Variants in POTEI observed in about 807,000 individuals in gnomAD.
POTEI encodes the protein POTE ankyrin domain family member I, also known as POTE ankyrin domain family, member I.
A neutral mutation model predicts 43.4 loss-of-function variants in POTEI; 14 were observed. The ratio of observed to expected loss-of-function variants is 0.32; its 90% CI spans 0.21 to 0.50. POTEI has a LOEUF of 0.50. Ranked by LOEUF, POTEI falls within the 20% of genes least tolerant of loss-of-function variation. POTEI has a pLI of 0.98. For missense variants in POTEI, 235 were observed against 795.4 expected, an observed-to-expected ratio of 0.30 and a Z score of 8.47; for synonymous variants, 95 against 297.9, an observed-to-expected ratio of 0.32 and a Z score of 7.01.
intron 13 of POTEI, among the ~76,000 whole-genome samples, chr2:130,468,903 A>G (rs1304472190): frequency 3.6e-3 from 552 of 152,148 alleles, no homozygotes; most frequent in African/African-American, 0.012. Flanking sequence ...TGAGATAAAA[A>G]TGTATAACAA....
At position 130,477,692 on chromosome 2, in the gene POTEI, C is replaced by A. The variant is rs1289470621; in HGVS notation, c.1481-991G>T. Among the ~76,000 whole-genome samples the A allele has an allele frequency of 8.3e-5, 11 of 133,150 alleles. No homozygotes were observed. In the Admixed American group the frequency reaches 8.4e-4, roughly 10 times the overall value. 87.4% of individuals were successfully genotyped at this position (133,150 alleles called of 152,430 possible). ...TTTACTCAGAAATATTTTATTGAGTCCTGCTAAATACATGCTAGGCATTAG... is the reference window on the plus strand; with the variant it reads ...TTTACTCAGAAATATTTTATTGAGTACTGCTAAATACATGCTAGGCATTAG... On this transcript the variant is annotated intron_variant, in intron 10 of 14. Transcript: ENST00000451531.
intron 1 of POTEI, 134 bp downstream of exon 1, chr2:130,508,581 T>C: frequency 1.9e-6 from 1 of 536,048 alleles, no homozygotes; most frequent in Non-Finnish European, 2.8e-6. Context: ...CCCTGACCTC[T>C]CTGAGGTTTC....
At chr2:130,474,029 TTTTG>T (rs1450654525) in intron 13 of POTEI, among the ~76,000 whole-genome samples, 1 of 145,122 alleles carries the variant, frequency 6.9e-6, no homozygotes, top group Non-Finnish European at 1.5e-5. Flanking sequence ...CTTTCGAGTA[TTTTG>T]TTTATTATGT....
intron 1 of POTEI, among the ~76,000 whole-genome samples, chr2:130,507,325 C>CACACATATATATGTATAT (rs1255169844): frequency 1.1e-4 from 1 of 8,926 alleles, no homozygotes; most frequent in African/African-American, 1.7e-4. Flanking sequence ...TATACACACA[C>CACACATATATATGTATAT]ACACACACAC....
At chr2:130,492,785 G>T (rs1683789792) in intron 6 of POTEI, among the ~76,000 whole-genome samples, 1 of 116,222 alleles carries the variant, frequency 8.6e-6, no homozygotes, top group Non-Finnish European at 1.8e-5. Context: ...GGTTTGGGAA[G>T]GTGATTTCTA....
At chr2:130,491,713 C>A (rs1247800087) in intron 6 of POTEI, among the ~76,000 whole-genome samples, 3 of 96,596 alleles carry the variant, frequency 3.1e-5, no homozygotes, top group Admixed American at 1.3e-4. Context: ...AGTGCAGTGG[C>A]GCAATCTCAG....
intron 1 of POTEI, among the ~76,000 whole-genome samples, chr2:130,507,393 T>C (rs1684214794): frequency 6.2e-5 from 1 of 16,130 alleles, no homozygotes; most frequent in East Asian, 1.5e-3. Context: ...TATGTATATA[T>C]ATGTATATAT....
chr2:130,468,656 A>T (rs1258642194), intron 13 of POTEI, among the ~76,000 whole-genome samples: 3 of 151,128 alleles, frequency 2.0e-5, no homozygotes, highest in Non-Finnish European at 4.4e-5. Context: ...ACACCTGGTA[A>T]TTACAATTTG....
chr2:130,461,581 G>C lies in POTEI; in HGVS notation c.*1235C>G, dbSNP rs1682638161. On this transcript the variant is annotated 3_prime_UTR_variant, in exon 15 of 15. Transcript: ENST00000451531. ...TAGTCACCGAAAGAGCAAAGGTGGG[G>C]GCCTGCCCCTCTCCGGGAGCTCTGT... 1 of 152,122 alleles carries C rather than the reference G, an allele frequency of 6.6e-6. No individual in the cohort carries two copies. Among genetic ancestry groups the C allele is most frequent in the Non-Finnish European group, 1.5e-5 (1 of 68,050 alleles). The allele number at this position is 152,122 out of a possible 1,614,324, so 9.4% of individuals were successfully genotyped here. A position where few individuals can be genotyped will look rare whatever the true frequency, so the allele number is the denominator to read the frequency against.
At chr2:130,505,138 G>A (rs1158711329) in intron 1 of POTEI, among the ~76,000 whole-genome samples, 2 of 149,410 alleles carry the variant, frequency 1.3e-5, no homozygotes, top group Admixed American at 1.3e-4. Context: ...TCATCATTTA[G>A]CTCCCACCTG....
intron 10 of POTEI, among the ~76,000 whole-genome samples, chr2:130,480,387 C>A (rs1393107907): frequency 2.7e-5 from 4 of 150,806 alleles, no homozygotes; most frequent in Non-Finnish European, 5.9e-5. Context: ...GTATCTCACA[C>A]TTTTGGTAAT....
Position 130,461,082 on chromosome 2 carries a change from G to T in POTEI, c.*1734C>A, listed in dbSNP as rs1284994064. The stretch of plus-strand genomic sequence containing the variant: ...TGGAAGCTCTGTACCACTGAGGTAC[G>T]AACCTGTTGCCAATCTGAACACACC... On this transcript the variant is annotated 3_prime_UTR_variant, in exon 15 of 15. Coordinates refer to ENST00000451531, the MANE Select transcript of POTEI (RefSeq NM_001277406.2). 1 of 151,412 alleles carries T rather than the reference G, an allele frequency of 6.6e-6. No homozygotes were observed. Among genetic ancestry groups the T allele is most frequent in the Non-Finnish European group, 1.5e-5 (1 of 67,984 alleles). 9.4% of individuals were successfully genotyped at this position (151,412 alleles called of 1,614,324 possible). A position where few individuals can be genotyped will look rare whatever the true frequency, so the allele number is the denominator to read the frequency against.
intron 9 of POTEI, among the ~76,000 whole-genome samples, chr2:130,482,329 A>G (rs1271511039): frequency 6.8e-6 from 1 of 147,644 alleles, no homozygotes; most frequent in Non-Finnish European, 1.5e-5. Context: ...GCCTGACATA[A>G]TAGAAAGTGT....
At position 130,461,073 on chromosome 2, in the gene POTEI, C is replaced by T. The variant is rs1573903591; in HGVS notation, c.*1743G>A. ...CCCTTCCTCTGGAAGCTCTGTACCA[C>T]TGAGGTACGAACCTGTTGCCAATCT... is the stretch of plus-strand genomic sequence containing the variant. On this transcript the variant is annotated 3_prime_UTR_variant, in exon 15 of 15. Coordinates refer to ENST00000451531, the MANE Select transcript of POTEI (RefSeq NM_001277406.2). The T allele has an allele frequency of 6.6e-6, 1 of 151,260 alleles. No homozygotes were observed. Among genetic ancestry groups the T allele is most frequent in the Non-Finnish European group, 1.5e-5 (1 of 67,988 alleles). 9.4% of individuals were successfully genotyped at this position (151,260 alleles called of 1,614,324 possible).
At chr2:130,507,386 GTA>G (rs56025141) in intron 1 of POTEI, among the ~76,000 whole-genome samples, 92,999 of 95,698 alleles carry the variant, frequency 0.97, 45,233 homozygotes, top group Non-Finnish European at 1. Flanking sequence ...ATATACATAT[GTA>G]TATATATGTA....
intron 1 of POTEI, among the ~76,000 whole-genome samples, chr2:130,507,452 T>A (rs1280968756): frequency 9.8e-6 from 1 of 102,136 alleles, no homozygotes; most frequent in African/African-American, 4.1e-5. Context: ...AAATAGGCAT[T>A]TATATTTTTT....
intron 13 of POTEI, among the ~76,000 whole-genome samples, chr2:130,468,709 G>GC: frequency 6.6e-6 from 1 of 150,762 alleles, no homozygotes; most frequent in Non-Finnish European, 1.5e-5. Flanking sequence ...CTATTGGGGG[G>GC]GGGGGTATCC....
At chr2:130,497,037 AT>A (rs1313613740) in intron 5 of POTEI, among the ~76,000 whole-genome samples, 1 of 23,614 alleles carries the variant, frequency 4.2e-5, no homozygotes, top group African/African-American at 8.0e-5. Flanking sequence ...ACGAGATAAC[AT>A]TTTTTAAATG....
chr2:130,467,833 G>A (rs1243925817), intron 13 of POTEI, among the ~76,000 whole-genome samples: 2 of 144,438 alleles, frequency 1.4e-5, no homozygotes, highest in Non-Finnish European at 3.1e-5. Context: ...AAAAGAAGAG[G>A]TACAAACGGT....
Sources: allele counts gnomAD v4.1 joint callset (sites outside exome capture counted in the v4.1 genomes callset), GRCh38; gene constraint gnomAD v4.1.1; transcripts MANE v1.5; gene names NCBI Gene and HGNC (gene_info 2026-07-23, HGNC 2026-07-21).